Variants in CCM2L observed in about 807,000 individuals in gnomAD.
CCM2L encodes cerebral cavernous malformations 2 protein-like.
In CCM2L, 36 loss-of-function variants were observed where a neutral mutation model predicts 54.1. The ratio of observed to expected loss-of-function variants is 0.67; its 90% CI spans 0.51 to 0.88. The LOEUF is 0.88. Ranked by LOEUF, CCM2L falls within the 40% of genes least tolerant of loss-of-function variation. CCM2L has a pLI of 0.00. For missense variants in CCM2L, 700 were observed against 812.1 expected, an observed-to-expected ratio of 0.86 and a Z score of 1.68; for synonymous variants, 351 against 359.3, an observed-to-expected ratio of 0.98 and a Z score of 0.26.
In CCM2L at chr20:32,018,936, C is replaced by A; in HGVS notation, c.467-7C>A. 2 of 1,379,740 alleles carry A rather than the reference C, an allele frequency of 1.4e-6. No individual in the cohort carries two copies. The highest frequency in any genetic ancestry group is 1.6e-5 in the South Asian group (1 of 61,758). 85.5% of individuals were successfully genotyped at this position (1,379,740 alleles called of 1,614,324 possible). A position where few individuals can be genotyped will look rare whatever the true frequency, so the allele number is the denominator to read the frequency against. ...CCCGCGGCTGACGGTCCCCCGGACT[C>A]TCCTAGGTCTGGGTGTGGACCCGGT... On this transcript the variant is annotated splice_polypyrimidine_tract_variant and splice_region_variant and intron_variant, in intron 4 of 9. Coordinates refer to ENST00000452892, the MANE Select transcript of CCM2L (RefSeq NM_001365692.1).
chr20:32,029,004 C>T lies in CCM2L; in HGVS notation c.1143C>T (p.Ser381=), dbSNP rs765378459. 3.1e-6 allele frequency: 5 copies of T among 1,614,134 alleles called. No homozygotes were observed. In the South Asian group the frequency reaches 5.5e-5, roughly 18 times the overall value. ...CTTCCCGTGCCTGCAGTAATGGCTCCCAGGACACCTTTGAAGCATGTTACA... is the reference window on the plus strand; with the variant it reads ...CTTCCCGTGCCTGCAGTAATGGCTCTCAGGACACCTTTGAAGCATGTTACA... ...DFSCCSSFNG[S]QDTFEACYSG... The change falls in exon 8 of 10, where the codon TCC becomes TCT. Residue 381 remains serine, a synonymous_variant. Coordinates refer to ENST00000452892, the MANE Select transcript of CCM2L (RefSeq NM_001365692.1).
In CCM2L at chr20:32,015,023, C is replaced by T. The variant is rs2064729756; in HGVS notation, c.150C>T (p.Leu50=). ...TGCCCCTTTATCCCCCCGACTACCTCATCGACCCCCAGATTCTGCTGTGTG... is the reference window on the plus strand; with the variant it reads ...TGCCCCTTTATCCCCCCGACTACCTTATCGACCCCCAGATTCTGCTGTGTG... ...HSMPLYPPDY[L]IDPQILLCDY... is the part of the protein sequence containing the mutation. The change falls in exon 2 of 10, where the codon CTC becomes CTT. Residue 50 remains leucine (L), a synonymous_variant. Transcript: ENST00000452892. The T allele has an allele frequency of 2.6e-6, 4 of 1,558,908 alleles. No individual in the cohort carries two copies. Among genetic ancestry groups the T allele is most frequent in the African/African-American group, 1.4e-5 (1 of 71,468 alleles).
At chr20:32,029,597 G>A in intron 8 of CCM2L, 103 bp from the exon 9 acceptor site, 1 of 1,427,074 alleles carries the variant, frequency 7.0e-7, no homozygotes, top group Non-Finnish European at 9.3e-7. Flanking sequence ...TTTCAGAGGA[G>A]AGCTGGACCA....
chr20:32,027,426 T>G (rs905252255), intron 7 of CCM2L, among the ~76,000 whole-genome samples: 2 of 152,264 alleles, frequency 1.3e-5, no homozygotes, highest in Admixed American at 6.5e-5. Context: ...AAGCACTTTA[T>G]TTTTTCATCA....
At position 32,032,065 on chromosome 20, in the gene CCM2L, G is replaced by A. The variant is rs114808344; in HGVS notation, c.*751G>A. ...TCCCGTTACCCCATCTGTCCAGTGA[G>A]CTCAGCCCCCATCCACCTAACAGGG... On this transcript the variant is annotated 3_prime_UTR_variant, in exon 10 of 10. Coordinates refer to ENST00000452892, the MANE Select transcript of CCM2L (RefSeq NM_001365692.1). The A allele has an allele frequency of 5.0e-3, 761 of 152,382 alleles. 9 individuals are homozygous for A. Among genetic ancestry groups the A allele is most frequent in the African/African-American group, 0.016 (663 of 41,542 alleles). The allele number at this position is 152,382 out of a possible 1,614,324, so 9.4% of individuals were successfully genotyped here.
intron 7 of CCM2L, among the ~76,000 whole-genome samples, chr20:32,027,569 A>G (rs2064874416): frequency 6.6e-6 from 1 of 152,258 alleles, no homozygotes; most frequent in Admixed American, 6.5e-5. Flanking sequence ...GGAAAAATTG[A>G]GAAATAGAGA....
At chr20:32,017,726 A>G (rs550010075) in intron 2 of CCM2L, 74 bp from the exon 3 acceptor site, 14 of 1,189,068 alleles carry the variant, frequency 1.2e-5, no homozygotes, top group Non-Finnish European at 1.6e-5. Context: ...CACTGCATCA[A>G]TGAGAAGGCC....
chr20:32,011,066 G>A (rs1181330534), intron 1 of CCM2L, among the ~76,000 whole-genome samples: 1 of 152,100 alleles, frequency 6.6e-6, no homozygotes, highest in Non-Finnish European at 1.5e-5. Context: ...TTGGAGTTCA[G>A]GGAGGCGCTC....
chr20:32,020,265 G>A lies in CCM2L; in HGVS notation c.933+856G>A, dbSNP rs1324027778. Among the ~76,000 whole-genome samples, 5 of 152,202 alleles carry A rather than the reference G, an allele frequency of 3.3e-5. No homozygotes were observed. In the East Asian group the frequency reaches 5.8e-4, roughly 18 times the overall value. On this transcript the variant is annotated intron_variant, in intron 5 of 9. Transcript: ENST00000452892. ...CAGACATAGTTCCTGTCTAGATGGT[G>A]AGGCAGATAATAACCAGTAAACTCA...
chr20:32,014,882 T>C (rs200204479), intron 1 of CCM2L, 22 bp from the exon 2 acceptor site: 7 of 1,577,012 alleles, frequency 4.4e-6, no homozygotes, highest in East Asian at 2.4e-5. Flanking sequence ...GTTATCACTC[T>C]CATTCCTCCT....
At chr20:32,011,198 C>A (rs541304909) in intron 1 of CCM2L, among the ~76,000 whole-genome samples, 2 of 151,220 alleles carry the variant, frequency 1.3e-5, no homozygotes, top group East Asian at 3.9e-4. Flanking sequence ...CAGAAGGGAG[C>A]CAAGACATAC....
chr20:32,012,720 C>T (rs1302793251), intron 1 of CCM2L, among the ~76,000 whole-genome samples: 1 of 152,082 alleles, frequency 6.6e-6, no homozygotes, highest in Non-Finnish European at 1.5e-5. Flanking sequence ...TATCACAAGC[C>T]CTGGAGGCAA....
At chr20:32,021,540 C>T (rs1304508240) in intron 5 of CCM2L, among the ~76,000 whole-genome samples, 1 of 152,106 alleles carries the variant, frequency 6.6e-6, no homozygotes, top group African/African-American at 2.4e-5. Flanking sequence ...GCCTGTCATG[C>T]AGCTACTCAG....
chr20:32,029,278 C>A, intron 8 of CCM2L, 154 bp downstream of exon 8: 4 of 1,014,796 alleles, frequency 3.9e-6, no homozygotes, highest in Non-Finnish European at 4.4e-6. Context: ...CTGAGGCCAG[C>A]TTGTGAAAGG....
Position 32,015,068 on chromosome 20 carries a change from C to A in CCM2L, c.195C>A (p.Val65=). Residue 65 remains valine (V), a synonymous_variant, in exon 2 of 10, where the codon GTC becomes GTA. Coordinates refer to ENST00000452892, the MANE Select transcript of CCM2L (RefSeq NM_001365692.1). ...TGTGTGACTACCTGGAGAAAGAGGT[C>A]AAGGTGCGTGCAGGATGAGAAGGGG... ...ILLCDYLEKE[V]KFLGHLTWVT... The A allele has an allele frequency of 6.6e-7, 1 of 1,511,482 alleles. No individual in the cohort carries two copies. 93.6% of individuals were successfully genotyped at this position (1,511,482 alleles called of 1,614,324 possible).
chr20:32,015,094 T>A lies in CCM2L; in HGVS notation c.198+23T>A, dbSNP rs562100832. The A allele has an allele frequency of 1.2e-5, 17 of 1,463,012 alleles. No individual in the cohort carries two copies. The African/African-American group carries it at 2.5e-4, about 22-fold the overall frequency. The allele number at this position is 1,463,012 out of a possible 1,614,324, so 90.6% of individuals were successfully genotyped here. A position where few individuals can be genotyped will look rare whatever the true frequency, so the allele number is the denominator to read the frequency against. On this transcript the variant is annotated intron_variant, in intron 2 of 9. Coordinates refer to ENST00000452892, the MANE Select transcript of CCM2L (RefSeq NM_001365692.1). ...AAGGTGCGTGCAGGATGAGAAGGGGTGGGAAAACCTTGGGGTGAGGAGACC... is the reference window on the plus strand; with the variant it reads ...AAGGTGCGTGCAGGATGAGAAGGGGAGGGAAAACCTTGGGGTGAGGAGACC...
Sources: gnomAD v4.1 joint callset for allele counts (sites outside exome capture counted in the v4.1 genomes callset) on GRCh38, gnomAD v4.1.1 for gene constraint, MANE v1.5 for transcripts, NCBI Gene and HGNC (gene_info 2026-07-23, HGNC 2026-07-21) for gene names.